NAA25: variants seen among roughly 807,000 people sequenced by gnomAD.
The protein encoded by NAA25 is N-terminal acetyltransferase B complex subunit NAA25.
Under a neutral mutation model 132.5 loss-of-function variants are expected in NAA25, and 30 were observed. The observed-to-expected ratio is 0.23, with a 90% CI of 0.17 to 0.31. The LOEUF (loss-of-function observed/expected upper bound fraction) is 0.31, where lower values mean the gene tolerates loss of function less well. Among genes scored for constraint, NAA25 ranks in the 10% least tolerant of loss-of-function variants. The pLI, the probability that NAA25 is intolerant of heterozygous loss-of-function variation, is 1.00. For missense variants in NAA25, 771 were observed against 1,150.4 expected (o/e 0.67, Z 4.77); for synonymous variants, 359 against 401.9 (o/e 0.89, Z 1.28).
chr12:112,043,796 T>C lies in NAA25; in HGVS notation c.2079A>G (p.Thr693=), dbSNP rs777741293. 2 of 1,614,102 alleles carry C rather than the reference T, an allele frequency of 1.2e-6. No homozygotes were observed. The highest frequency in any genetic ancestry group is 1.7e-5 in the Admixed American group (1 of 60,004). ...ETLWLRIRSL[T]LRLISGLPSL... is the part of the protein sequence containing the mutation. The stretch of plus-strand genomic sequence containing the variant: ...TTGGAAGTCCACTTATCAGCCTCAA[T>C]GTTAAGGATCGGATTCTTAACCACA... The change falls in exon 18 of 24, where the codon ACA becomes ACG. Residue 693 remains threonine, a synonymous_variant. Transcript: ENST00000261745.
chr12:112,041,958 C>A, intron 20 of NAA25, 81 bp downstream of exon 20: 2 of 812,818 alleles, frequency 2.5e-6, no homozygotes. Flanking sequence ...GGTGATTGGG[C>A]TTGGGAATAG....
At chr12:112,047,859 T>A (rs2078410852) in intron 16 of NAA25, 69 bp from the exon 17 acceptor site, 1 of 1,448,178 alleles carries the variant, frequency 6.9e-7, no homozygotes, top group Non-Finnish European at 9.4e-7. Flanking sequence ...TAATCAGGAC[T>A]TCCTGTTTTA....
At chr12:112,099,169 T>C (rs2079256965) in intron 1 of NAA25, among the ~76,000 whole-genome samples, 1 of 152,052 alleles carries the variant, frequency 6.6e-6, no homozygotes, top group Non-Finnish European at 1.5e-5. Context: ...TTTGTACTTT[T>C]AGTAGAGACG....
At chr12:112,081,205 A>G in intron 4 of NAA25, 71 bp from the exon 5 acceptor site, 1 of 1,298,072 alleles carries the variant, frequency 7.7e-7, no homozygotes, top group Admixed American at 2.0e-5. Context: ...TAGATACACG[A>G]CAAAAAGTTT....
At chr12:112,079,202 TAA>T (rs2078936112) in intron 5 of NAA25, among the ~76,000 whole-genome samples, 1 of 152,152 alleles carries the variant, frequency 6.6e-6, no homozygotes, top group African/African-American at 2.4e-5. Context: ...ATGAAATTAA[TAA>T]AGTTAATAAC....
At chr12:112,075,311 C>G (rs1566020917) in intron 8 of NAA25, among the ~76,000 whole-genome samples, 2 of 151,984 alleles carry the variant, frequency 1.3e-5, no homozygotes, top group African/African-American at 2.4e-5. Flanking sequence ...GCCTCAGCTT[C>G]CCGAGGGGCT....
chr12:112,088,607 A>G (rs1367484329), intron 3 of NAA25, among the ~76,000 whole-genome samples: 1 of 149,904 alleles, frequency 6.7e-6, no homozygotes, highest in African/African-American at 2.5e-5. Context: ...AATGAGTGCC[A>G]TGACAACAGA....
intron 1 of NAA25, among the ~76,000 whole-genome samples, chr12:112,097,606 CAAA>C (rs777633329): frequency 3.8e-5 from 2 of 52,772 alleles, no homozygotes; most frequent in African/African-American, 1.3e-4. Context: ...GACTCCGTCT[CAAA>C]AAAAAAAAAA....
chr12:112,083,003 T>C, intron 4 of NAA25, among the ~76,000 whole-genome samples: 1 of 152,112 alleles, frequency 6.6e-6, no homozygotes, highest in Non-Finnish European at 1.5e-5. Flanking sequence ...CCAAGGTACT[T>C]TTGTTGTAAG....
chr12:112,038,281 TG>T (rs2078253641), intron 22 of NAA25, among the ~76,000 whole-genome samples: 1 of 152,228 alleles, frequency 6.6e-6, no homozygotes, highest in Non-Finnish European at 1.5e-5. Flanking sequence ...CCCAAAGTGC[TG>T]GGATTACAGG....
At chr12:112,079,509 C>T (rs1046136130) in intron 5 of NAA25, among the ~76,000 whole-genome samples, 14 of 151,658 alleles carry the variant, frequency 9.2e-5, no homozygotes, top group South Asian at 2.1e-4. Context: ...ACATGAGAAT[C>T]GCTTGAACCT....
At chr12:112,063,085 C>A in intron 11 of NAA25, among the ~76,000 whole-genome samples, 2 of 151,576 alleles carry the variant, frequency 1.3e-5, no homozygotes, top group African/African-American at 4.9e-5. Context: ...AAGAATAATA[C>A]ATGAAGAAAT....
chr12:112,102,283 G>A (rs911753289), intron 1 of NAA25, among the ~76,000 whole-genome samples: 1 of 152,108 alleles, frequency 6.6e-6, no homozygotes, highest in Non-Finnish European at 1.5e-5. Flanking sequence ...TGAGGCGGGA[G>A]GATCACTTGA....
rs2078817195 is a variant in NAA25, at chr12:112,071,997, C to T, written c.934G>A (p.Glu312Lys). Residue 312 changes from glutamate (E) to lysine (K), a missense_variant, in exon 10 of 24, where the codon GAA becomes AAA. Coordinates refer to ENST00000261745, the MANE Select transcript of NAA25 (RefSeq NM_024953.4). The part of the protein sequence containing the change: ...AVKFIEDRIT[E>K]ESKSSRHLRG... The stretch of plus-strand genomic sequence containing the variant: ...AGATGGCGAGAACTTTTAGATTCTT[C>T]CGTTATCCGATCTTCTATAAACTTC... 1 of 1,613,900 alleles carries T rather than the reference C, an allele frequency of 6.2e-7. No individual in the cohort carries two copies. The highest frequency in any genetic ancestry group is 1.7e-5 in the Admixed American group (1 of 59,990).
intron 4 of NAA25, among the ~76,000 whole-genome samples, chr12:112,085,015 A>T (rs994960650): frequency 6.6e-6 from 1 of 151,996 alleles, no homozygotes; most frequent in Non-Finnish European, 1.5e-5. Flanking sequence ...GTGGGTCAAG[A>T]GGTGAGGAGT....
intron 13 of NAA25, among the ~76,000 whole-genome samples, chr12:112,054,824 G>A (rs1204809921): frequency 1.3e-5 from 2 of 152,128 alleles, no homozygotes; most frequent in Non-Finnish European, 2.9e-5. Context: ...GGTCTTGTGG[G>A]GGGATGTTAT....
rs112077208 is a variant in NAA25 at position 112,033,160 on chromosome 12, A to C, written c.2796+73T>G. The C allele has an allele frequency of 8.4e-6, 12 of 1,437,022 alleles. No homozygotes were observed. The East Asian group carries it at 9.6e-5, about 11-fold the overall frequency. 89.0% of individuals were successfully genotyped at this position (1,437,022 alleles called of 1,614,324 possible). ...AATTGAACTTTAACTTGTCCTTGTG[A>C]TAAAGATGAGAGAGAGAGACAGAGT... On this transcript the variant is annotated intron_variant, in intron 23 of 23. Coordinates refer to ENST00000261745, the MANE Select transcript of NAA25 (RefSeq NM_024953.4).
At chr12:112,070,172 T>C (rs1001540391) in intron 10 of NAA25, among the ~76,000 whole-genome samples, 3 of 152,126 alleles carry the variant, frequency 2.0e-5, no homozygotes, top group Non-Finnish European at 2.9e-5. Flanking sequence ...AAATTCTTAG[T>C]ATGAGCAAAG....
intron 20 of NAA25, 61 bp from the exon 21 acceptor site, chr12:112,040,639 A>G: frequency 1.2e-6 from 1 of 853,566 alleles, no homozygotes; most frequent in South Asian, 1.5e-5. Context: ...TTTAAGGAAC[A>G]CAACACACAA....
Sources: gnomAD v4.1 joint callset for allele counts (sites outside exome capture counted in the v4.1 genomes callset) on GRCh38, gnomAD v4.1.1 for gene constraint, MANE v1.5 for transcripts, NCBI Gene and HGNC (gene_info 2026-07-23, HGNC 2026-07-21) for gene names.